RARB: variants seen among roughly 807,000 people sequenced by gnomAD.
The protein encoded by RARB is retinoic acid receptor beta.
In RARB, 17 loss-of-function variants were observed where a neutral mutation model predicts 51.9. The observed-to-expected ratio is 0.33, with a 90% CI of 0.22 to 0.49. The LOEUF (loss-of-function observed/expected upper bound fraction) is 0.49. Among genes scored for constraint, RARB ranks in the 20% least tolerant of loss-of-function variants. The pLI, the probability that RARB is intolerant of heterozygous loss-of-function variation, is 0.99. For synonymous variants in RARB, 215 were observed against 195.4 expected (o/e 1.10, Z -0.84); for missense variants, 369 against 550.8 (o/e 0.67, Z 3.30).
intron 2 of RARB, among the ~76,000 whole-genome samples, chr3:25,005,045 G>C (rs576140035): frequency 4.1e-4 from 62 of 152,140 alleles, no homozygotes; most frequent in African/African-American, 1.4e-3. Context: ...AATTTATTCA[G>C]AATTTTGGTA....
At chr3:24,968,420 G>C (rs1185449888) in intron 2 of RARB, among the ~76,000 whole-genome samples, 1 of 152,086 alleles carries the variant, frequency 6.6e-6, no homozygotes, top group Non-Finnish European at 1.5e-5. Flanking sequence ...ACTTTGCCAT[G>C]TAATAAACCA....
chr3:24,896,374 T>C (rs1275219288), intron 2 of RARB, among the ~76,000 whole-genome samples: 2 of 152,048 alleles, frequency 1.3e-5, no homozygotes, highest in Non-Finnish European at 2.9e-5. Flanking sequence ...ATCCTCCTGC[T>C]TCAGCCTCCT....
intron 2 of RARB, among the ~76,000 whole-genome samples, chr3:25,496,079 G>A (rs1413484667): frequency 6.6e-6 from 1 of 152,088 alleles, no homozygotes; most frequent in African/African-American, 2.4e-5. Context: ...TCACCCTCAA[G>A]GAATACATTT....
At chr3:25,292,437 G>C (rs1422086950) in intron 5 of RARB, among the ~76,000 whole-genome samples, 5 of 152,122 alleles carry the variant, frequency 3.3e-5, no homozygotes, top group Admixed American at 6.6e-5. Context: ...TCTCAAAGAG[G>C]GGAGCCAAAT....
At chr3:24,927,096 C>T (rs1159015434) in intron 2 of RARB, among the ~76,000 whole-genome samples, 1 of 152,072 alleles carries the variant, frequency 6.6e-6, no homozygotes, top group Non-Finnish European at 1.5e-5. Flanking sequence ...ACTTTAACCT[C>T]ATATATTCTC....
intron 1 of RARB, among the ~76,000 whole-genome samples, chr3:25,447,296 G>A (rs1291879882): frequency 6.6e-6 from 1 of 151,936 alleles, no homozygotes; most frequent in African/African-American, 2.4e-5. Flanking sequence ...AGTATTTAAA[G>A]TCAAGGCCGC....
chr3:25,095,604 G>A (rs1026792734), intron 3 of RARB, among the ~76,000 whole-genome samples: 1 of 152,244 alleles, frequency 6.6e-6, no homozygotes, highest in Middle Eastern at 3.4e-3. Context: ...AAACTCAAAT[G>A]ACAGTACAAG....
intron 2 of RARB, among the ~76,000 whole-genome samples, chr3:25,013,673 C>A (rs1575119012): frequency 6.6e-6 from 1 of 152,022 alleles, no homozygotes; most frequent in South Asian, 2.1e-4. Context: ...CAACCTACAC[C>A]CTGAAGATAG....
intron 3 of RARB, among the ~76,000 whole-genome samples, chr3:25,540,560 C>T (rs1164503832): frequency 6.6e-6 from 1 of 152,152 alleles, no homozygotes; most frequent in Non-Finnish European, 1.5e-5. Context: ...GTTTTGTGAC[C>T]TCTGTTTCCC....
At chr3:24,922,545 C>T (rs780383293) in intron 2 of RARB, among the ~76,000 whole-genome samples, 1 of 152,112 alleles carries the variant, frequency 6.6e-6, no homozygotes, top group Non-Finnish European at 1.5e-5. Flanking sequence ...GTTAAGTATC[C>T]TGTCAAAAGT....
At chr3:25,432,808 T>A (rs1244869661) in intron 1 of RARB, among the ~76,000 whole-genome samples, 2 of 152,176 alleles carry the variant, frequency 1.3e-5, no homozygotes, top group Non-Finnish European at 2.9e-5. Context: ...TATAATTTTT[T>A]AAATCAGTAA....
At position 25,522,973 on chromosome 3, in the gene RARB, G is replaced by A. The variant is rs773977455; in HGVS notation, c.448+21650G>A. 3.5e-4 allele frequency among the ~76,000 whole-genome samples: 54 copies of A among 152,298 alleles called. 1 individual carries two copies. The highest frequency in any genetic ancestry group is 6.9e-4 in the Non-Finnish European group (47 of 68,036). On this transcript the variant is annotated intron_variant, in intron 3 of 7. Transcript: ENST00000330688. Reference sequence around the variant, plus strand: ...CCAGTTTGATGGTGCTGTCTAGAAAGTTCTGTTGGTCACAAGGGCTCGTAT... The same window carrying A: ...CCAGTTTGATGGTGCTGTCTAGAAAATTCTGTTGGTCACAAGGGCTCGTAT...
chr3:24,995,904 T>C (rs909255077), intron 2 of RARB, among the ~76,000 whole-genome samples: 1 of 151,978 alleles, frequency 6.6e-6, no homozygotes, highest in Non-Finnish European at 1.5e-5. Flanking sequence ...TTTATCAGCA[T>C]CTGGTTTGTA....
intron 5 of RARB, among the ~76,000 whole-genome samples, chr3:25,361,203 G>C (rs1178497154): frequency 1.3e-5 from 2 of 151,946 alleles, no homozygotes; most frequent in Non-Finnish European, 2.9e-5. Flanking sequence ...CTCTAATCTT[G>C]TCTTTACGCT....
chr3:25,542,002 A>G (rs1289348101), intron 3 of RARB, among the ~76,000 whole-genome samples: 1 of 152,116 alleles, frequency 6.6e-6, no homozygotes, highest in African/African-American at 2.4e-5. Flanking sequence ...GATGTAAGAG[A>G]GAAAAGGAAA....
At chr3:24,971,965 T>C (rs903897139) in intron 2 of RARB, among the ~76,000 whole-genome samples, 1 of 139,170 alleles carries the variant, frequency 7.2e-6, no homozygotes, top group African/African-American at 2.6e-5. Flanking sequence ...TTCAGGGTAA[T>C]CTGTCACCTT....
intron 5 of RARB, among the ~76,000 whole-genome samples, chr3:25,337,972 T>C (rs1705112871): frequency 6.6e-6 from 1 of 152,092 alleles, no homozygotes; most frequent in African/African-American, 2.4e-5. Context: ...CAATTAGATC[T>C]AAAAACTGTA....
intron 5 of RARB, among the ~76,000 whole-genome samples, chr3:25,306,105 CAG>C (rs974142537): frequency 1.3e-5 from 2 of 152,076 alleles, no homozygotes; most frequent in African/African-American, 2.4e-5. Context: ...ATTGAGAACA[CAG>C]GGGGAAAAAA....
chr3:25,432,750 A>G (rs1284358214), intron 1 of RARB, among the ~76,000 whole-genome samples: 7 of 152,218 alleles, frequency 4.6e-5, no homozygotes, highest in Non-Finnish European at 8.8e-5. Context: ...CTGAGAAGGG[A>G]AATACATGAT....
Sources: allele counts gnomAD v4.1 joint callset (sites outside exome capture counted in the v4.1 genomes callset), GRCh38; gene constraint gnomAD v4.1.1; transcripts MANE v1.5; gene names NCBI Gene and HGNC (gene_info 2026-07-23, HGNC 2026-07-21).